The following SLC35F4 variants were observed in gnomAD, a reference collection of about 807,000 sequenced individuals.
The protein encoded by SLC35F4 is solute carrier family 35 member F4, also known as chromosome 14 open reading frame 36.
In SLC35F4, 24 loss-of-function variants were observed where a neutral mutation model predicts 44.2. The ratio of observed to expected loss-of-function variants is 0.54; its 90% CI spans 0.39 to 0.76. The LOEUF (loss-of-function observed/expected upper bound fraction) is 0.76, where lower values mean the gene tolerates loss of function less well. Among genes scored for constraint, SLC35F4 ranks in the 30% least tolerant of loss-of-function variants. The pLI is 0.00. For synonymous variants in SLC35F4, 238 were observed against 223.6 expected (o/e 1.06, Z -0.57); for missense variants, 562 against 586.1 (o/e 0.96, Z 0.42).
intron 1 of SLC35F4, among the ~76,000 whole-genome samples, chr14:57,666,087 A>C (rs138021822): frequency 5.7e-4 from 87 of 152,350 alleles, no homozygotes; most frequent in Non-Finnish European, 9.8e-4. Flanking sequence ...TGACCTATTT[A>C]ACAAACCAGC....
chr14:57,712,608 TG>T (rs1166204327), intron 1 of SLC35F4, among the ~76,000 whole-genome samples: 1 of 152,212 alleles, frequency 6.6e-6, no homozygotes, highest in African/African-American at 2.4e-5. Flanking sequence ...CTTCTAACCC[TG>T]GGGGGAATTT....
At chr14:57,883,002 AGAGGAG>A (rs937095754) in intron 1 of SLC35F4, among the ~76,000 whole-genome samples, 1 of 144,018 alleles carries the variant, frequency 6.9e-6, no homozygotes, top group African/African-American at 2.5e-5. Context: ...ATAAGGGGAG[AGAGGAG>A]GAGGAGGAGG....
At chr14:57,895,509 T>G (rs757440561) in intron 1 of SLC35F4, among the ~76,000 whole-genome samples, 1 of 152,012 alleles carries the variant, frequency 6.6e-6, no homozygotes, top group Non-Finnish European at 1.5e-5. Context: ...GTTCCCTTGA[T>G]AGTGGATGAG....
Position 57,650,514 on chromosome 14 carries a change from C to T in SLC35F4, c.104-56390G>A, listed in dbSNP as rs1209297876. On this transcript the variant is annotated intron_variant, in intron 1 of 7. Transcript: ENST00000556826. The stretch of plus-strand genomic sequence containing the variant: ...CACCTCAACTACGTCTACTTCTCAC[C>T]ATCTCTATGTCTGTCACCTAATTCA... Among the ~76,000 whole-genome samples the T allele has an allele frequency of 3.9e-5, 6 of 152,176 alleles. No individual in the cohort carries two copies. The East Asian group carries it at 1.2e-3, about 29-fold the overall frequency.
chr14:57,763,250 A>T (rs1350307787), intron 1 of SLC35F4, among the ~76,000 whole-genome samples: 1 of 152,144 alleles, frequency 6.6e-6, no homozygotes, highest in Non-Finnish European at 1.5e-5. Flanking sequence ...GCCAATATCA[A>T]TATACTCAGC....
At chr14:57,723,831 T>C (rs973139908) in intron 1 of SLC35F4, among the ~76,000 whole-genome samples, 4 of 152,222 alleles carry the variant, frequency 2.6e-5, no homozygotes. Flanking sequence ...GATGATATTA[T>C]GCTGATTGGA....
At chr14:57,689,499 G>T (rs1023428595) in intron 1 of SLC35F4, among the ~76,000 whole-genome samples, 2 of 151,998 alleles carry the variant, frequency 1.3e-5, no homozygotes, top group African/African-American at 4.8e-5. Context: ...CCCTGCTCCC[G>T]GTCTCACTGT....
intron 2 of SLC35F4, among the ~76,000 whole-genome samples, chr14:57,590,077 CT>C (rs112429463): frequency 0.015 from 2,021 of 138,748 alleles, 22 homozygotes; most frequent in African/African-American, 0.036. Context: ...TTCCATTTTC[CT>C]TTTTTTTTTT....
At chr14:57,825,809 A>G (rs1414093147) in intron 1 of SLC35F4, among the ~76,000 whole-genome samples, 1 of 152,184 alleles carries the variant, frequency 6.6e-6, no homozygotes, top group Non-Finnish European at 1.5e-5. Context: ...ACAGATAACA[A>G]GGGAAGTAAA....
In SLC35F4 at chr14:57,902,432, G is replaced by A. The variant is rs112441851; in HGVS notation, n.282+79481C>T. Among the ~76,000 whole-genome samples the A allele has an allele frequency of 3.3e-5, 5 of 151,750 alleles. No homozygotes were observed. The East Asian group carries it at 5.8e-4, about 18-fold the overall frequency. On this transcript the variant is annotated intron_variant and non_coding_transcript_variant, in intron 1 of 1. Transcript: ENST00000556568. ...TTCAAAATTAGCCAGATGTGGTAGCGCATGCCTGTAATCCCAGCTACTCGG... is the reference window on the plus strand; with the variant it reads ...TTCAAAATTAGCCAGATGTGGTAGCACATGCCTGTAATCCCAGCTACTCGG...
intron 1 of SLC35F4, among the ~76,000 whole-genome samples, chr14:57,654,153 T>C (rs1313297550): frequency 6.6e-6 from 1 of 152,188 alleles, no homozygotes; most frequent in Non-Finnish European, 1.5e-5. Flanking sequence ...AAGTATTTCA[T>C]TTCAATAGTT....
chr14:57,868,587 T>A (rs11847837), upstream of SLC35F4, among the ~76,000 whole-genome samples: 28,334 of 151,676 alleles, frequency 0.19, 5,873 homozygotes, highest in African/African-American at 0.52. Context: ...GTGATTCTCA[T>A]GCCTCAGCCT....
At position 57,630,808 on chromosome 14, in the gene SLC35F4, C is replaced by T. The variant is rs527535162; in HGVS notation, c.104-36684G>A. On this transcript the variant is annotated intron_variant, in intron 1 of 7. Transcript: ENST00000556826. ...ATTAAAAAGACACTTGTTAGTTTTC[C>T]CTGTACCAGGCAATGATCATAATCA... 3.7e-5 allele frequency: 23 copies of T among 613,996 alleles called. No homozygotes were observed. In the South Asian group the frequency reaches 6.2e-4, roughly 17 times the overall value. 38.0% of individuals were successfully genotyped at this position (613,996 alleles called of 1,614,324 possible). A position where few individuals can be genotyped will look rare whatever the true frequency, so the allele number is the denominator to read the frequency against.
chr14:57,771,423 A>G (rs957734008), intron 1 of SLC35F4, among the ~76,000 whole-genome samples: 3 of 152,230 alleles, frequency 2.0e-5, no homozygotes, highest in African/African-American at 4.8e-5. Flanking sequence ...ATCAAATTGC[A>G]TAAATACTAC....
chr14:57,785,752 C>T (rs983359498), intron 1 of SLC35F4, among the ~76,000 whole-genome samples: 1 of 152,306 alleles, frequency 6.6e-6, no homozygotes, highest in African/African-American at 2.4e-5. Context: ...GAGGAAGCAG[C>T]AGAAACGCCC....
At chr14:57,654,780 C>A (rs955613288) in intron 1 of SLC35F4, among the ~76,000 whole-genome samples, 2 of 152,126 alleles carry the variant, frequency 1.3e-5, no homozygotes, top group African/African-American at 4.8e-5. Context: ...CTTGCAACAA[C>A]CTAGTTTCCA....
intron 1 of SLC35F4, among the ~76,000 whole-genome samples, chr14:57,848,446 A>T (rs1886225492): frequency 6.6e-6 from 1 of 152,210 alleles, no homozygotes. Flanking sequence ...GACTGTCAGA[A>T]TGCTGGTGGT....
intron 1 of SLC35F4, among the ~76,000 whole-genome samples, chr14:57,750,736 T>C (rs946485970): frequency 2.6e-5 from 4 of 151,300 alleles, no homozygotes; most frequent in East Asian, 2.1e-4. Flanking sequence ...TTTGGGTTTG[T>C]TGTTGTTGTT....
At chr14:57,806,406 C>T (rs1881323266) in intron 1 of SLC35F4, among the ~76,000 whole-genome samples, 1 of 152,074 alleles carries the variant, frequency 6.6e-6, no homozygotes, top group African/African-American at 2.4e-5. Context: ...TTTGACATTA[C>T]CAAGCACATG....
Sources: allele counts gnomAD v4.1 joint callset (sites outside exome capture counted in the v4.1 genomes callset), GRCh38; gene constraint gnomAD v4.1.1; transcripts MANE v1.5; gene names NCBI Gene and HGNC (gene_info 2026-07-23, HGNC 2026-07-21).